The following ABCB7 variants were observed in gnomAD, a reference collection of about 807,000 sequenced individuals.
ABCB7 encodes the protein iron-sulfur clusters transporter ABCB7, mitochondrial.
In ABCB7, 7 loss-of-function variants were observed where a neutral mutation model predicts 54.4. The ratio of observed to expected loss-of-function variants is 0.13; its 90% CI spans 0.07 to 0.24. The LOEUF is 0.24. Ranked by LOEUF, ABCB7 falls within the 10% of genes least tolerant of loss-of-function variation. ABCB7 has a pLI of 1.00. For synonymous variants in ABCB7, 218 were observed against 207.1 expected, an observed-to-expected ratio of 1.05 and a Z score of -0.45; for missense variants, 356 against 570.4, an observed-to-expected ratio of 0.62 and a Z score of 3.83.
At chrX:75,134,445 G>A (rs985003032) in intron 1 of ABCB7, among the ~76,000 whole-genome samples, 2 of 111,456 alleles carry the variant, frequency 1.8e-5, no homozygotes, top group Non-Finnish European at 3.8e-5. Context: ...GAAGATATTC[G>A]GGACTTAACC....
intron 1 of ABCB7, among the ~76,000 whole-genome samples, chrX:75,121,513 G>A (rs935769057): frequency 1.8e-5 from 2 of 110,981 alleles, no homozygotes; most frequent in African/African-American, 6.6e-5. Flanking sequence ...AATTTAGACT[G>A]ACTGCTTGTT....
chrX:75,062,252 A>T, intron 14 of ABCB7, 76 bp downstream of exon 14: 1 of 900,097 alleles, frequency 1.1e-6, no homozygotes, highest in South Asian at 2.1e-5. Flanking sequence ...AATACAAAGT[A>T]ATGCAGCCAT....
chrX:75,150,351 A>C (rs1181210355), intron 1 of ABCB7, among the ~76,000 whole-genome samples: 1 of 111,706 alleles, frequency 9.0e-6, no homozygotes, highest in Non-Finnish European at 1.9e-5. Flanking sequence ...GACTTCAGGG[A>C]GATGGATTTC....
At chrX:75,067,228 AT>A (rs772373677) in intron 12 of ABCB7, among the ~76,000 whole-genome samples, 4 of 111,735 alleles carry the variant, frequency 3.6e-5, no homozygotes, top group Non-Finnish European at 7.5e-5. Context: ...AGGTGAAAAA[AT>A]GACACGTATC....
Position 75,071,702 on chromosome X carries a change from T to C in ABCB7, c.1033-19A>G, listed in dbSNP as rs776356620. 21 of 1,037,638 alleles carry C rather than the reference T, an allele frequency of 2.0e-5. No individual in the cohort carries two copies. In the East Asian group the frequency reaches 3.3e-4, roughly 16 times the overall value. 85.5% of individuals were successfully genotyped at this position (1,037,638 alleles called of 1,213,427 possible). On this transcript the variant is annotated intron_variant, in intron 8 of 15. Transcript: ENST00000373394. Reference sequence around the variant, plus strand: ...TAAAATACTACAAAATATATAAAAATAACTATAGGCAAGTATAATTAGAAT... The same window carrying C: ...TAAAATACTACAAAATATATAAAAACAACTATAGGCAAGTATAATTAGAAT...
At chrX:75,056,985 T>A (rs746074320) in intron 15 of ABCB7, among the ~76,000 whole-genome samples, 40 of 112,431 alleles carry the variant, frequency 3.6e-4, no homozygotes, top group Non-Finnish European at 6.2e-4. Flanking sequence ...CTTAATTCTA[T>A]TTTTCTTCTG....
At chrX:75,135,480 A>G (rs1034329239) in intron 1 of ABCB7, among the ~76,000 whole-genome samples, 1 of 111,555 alleles carries the variant, frequency 9.0e-6, no homozygotes, top group African/African-American at 3.3e-5. Context: ...CTATGAGGCC[A>G]GCACCAATCT....
intron 15 of ABCB7, among the ~76,000 whole-genome samples, chrX:75,053,868 T>C (rs774398918): frequency 8.9e-6 from 1 of 112,010 alleles, no homozygotes; most frequent in South Asian, 3.7e-4. Context: ...CATTTGTCAT[T>C]TTGAAGGGAA....
intron 4 of ABCB7, among the ~76,000 whole-genome samples, chrX:75,086,275 C>T (rs1457452564): frequency 2.7e-5 from 3 of 111,680 alleles, no homozygotes; most frequent in Admixed American, 1.9e-4. Flanking sequence ...ATTTTTAGCA[C>T]AAAACTGTAA....
At chrX:75,090,268 T>C (rs191420821) in intron 4 of ABCB7, among the ~76,000 whole-genome samples, 35 of 108,199 alleles carry the variant, frequency 3.2e-4, no homozygotes, top group African/African-American at 1.0e-3. Flanking sequence ...AAAACACACC[T>C]TTACAAATTT....
chrX:75,150,500 T>C (rs1238211039), intron 1 of ABCB7, among the ~76,000 whole-genome samples: 1 of 111,146 alleles, frequency 9.0e-6, no homozygotes, highest in Non-Finnish European at 1.9e-5. Context: ...AAAAAAATGC[T>C]CACAAGTAAA....
chrX:75,060,772 A>T (rs1303386952), intron 14 of ABCB7, among the ~76,000 whole-genome samples: 1 of 111,879 alleles, frequency 8.9e-6, no homozygotes, highest in Non-Finnish European at 1.9e-5. Flanking sequence ...AGAGTATAGG[A>T]ACATTTGCTT....
At chrX:75,115,266 CAAAAAAAAAAAAAA>C (rs1160024642) in intron 1 of ABCB7, among the ~76,000 whole-genome samples, 8 of 13,252 alleles carry the variant, frequency 6.0e-4, no homozygotes, top group East Asian at 3.9e-3. Flanking sequence ...GACTCTGTCT[CAAAAAAAAAAAAAA>C]AAAAAAAAAA....
At chrX:75,055,553 C>CA (rs59851777) in intron 15 of ABCB7, among the ~76,000 whole-genome samples, 1,156 of 21,688 alleles carry the variant, frequency 0.053, 94 homozygotes, top group Non-Finnish European at 0.093. Context: ...CCATCTCTAC[C>CA]AAAAAAAAAA....
At chrX:75,087,925 T>C (rs1455949836) in intron 4 of ABCB7, among the ~76,000 whole-genome samples, 1 of 111,857 alleles carries the variant, frequency 8.9e-6, no homozygotes, top group African/African-American at 3.2e-5. Flanking sequence ...TGACTTGCAG[T>C]CTCAACTCCA....
At chrX:75,143,481 C>T (rs1698101554) in intron 1 of ABCB7, among the ~76,000 whole-genome samples, 1 of 111,689 alleles carries the variant, frequency 9.0e-6, no homozygotes, top group African/African-American at 3.3e-5. Flanking sequence ...CAAACTGTTC[C>T]AACCTCTGCC....
chrX:75,101,663 G>A (rs2081640861), intron 3 of ABCB7, among the ~76,000 whole-genome samples: 1 of 111,093 alleles, frequency 9.0e-6, no homozygotes, highest in Admixed American at 9.5e-5. Context: ...CACAAACTAG[G>A]GCATTTCAAC....
intron 1 of ABCB7, among the ~76,000 whole-genome samples, chrX:75,154,168 T>C (rs764440087): frequency 9.0e-6 from 1 of 111,230 alleles, no homozygotes; most frequent in South Asian, 3.8e-4. Flanking sequence ...CTTTCCCTTG[T>C]TTTGCACACT....
intron 4 of ABCB7, 145 bp downstream of exon 4, chrX:75,098,797 T>A: frequency 1.5e-6 from 1 of 684,103 alleles, no homozygotes; most frequent in Non-Finnish European, 2.2e-6. Flanking sequence ...TTCTAATGAC[T>A]GCATAAAATA....
Sources: gnomAD v4.1 joint callset for allele counts (sites outside exome capture counted in the v4.1 genomes callset) on GRCh38, gnomAD v4.1.1 for gene constraint, MANE v1.5 for transcripts, NCBI Gene and HGNC (gene_info 2026-07-23, HGNC 2026-07-21) for gene names.